The following WDFY4 variants were observed in gnomAD, a reference collection of about 807,000 sequenced individuals.
WDFY4 encodes WDFY family member 4, also known as WD repeat- and FYVE domain-containing protein 4.
In WDFY4, 169 loss-of-function variants were observed where a neutral mutation model predicts 351.9. That is an observed-to-expected ratio of 0.48 (90% CI 0.42 to 0.55). The LOEUF is 0.55. Ranked by LOEUF, WDFY4 falls within the 20% of genes least tolerant of loss-of-function variation. The pLI is 0.00. For missense variants in WDFY4, 3,803 were observed against 3,935.6 expected (o/e 0.97, Z 0.90); for synonymous variants, 1,622 against 1,574.6 (o/e 1.03, Z -0.71).
chr10:48,872,576 G>T (rs11101541), intron 40 of WDFY4, among the ~76,000 whole-genome samples: 3,708 of 152,306 alleles, frequency 0.024, 153 homozygotes, highest in African/African-American at 0.084. Flanking sequence ...AACATTAAAT[G>T]TGGGACAAAT....
intron 7 of WDFY4, among the ~76,000 whole-genome samples, chr10:48,728,778 A>C (rs1157751326): frequency 6.6e-6 from 1 of 152,226 alleles, no homozygotes; most frequent in African/African-American, 2.4e-5. Context: ...TCCTGAACAA[A>C]TTTTTGGTTC....
At chr10:48,783,594 T>A (rs992190571) in intron 19 of WDFY4, among the ~76,000 whole-genome samples, 1 of 151,992 alleles carries the variant, frequency 6.6e-6, no homozygotes, top group Non-Finnish European at 1.5e-5. Context: ...CATTTTGAAA[T>A]AGCTCAAAAA....
chr10:48,949,170 C>G (rs772784111), intron 51 of WDFY4, among the ~76,000 whole-genome samples: 12 of 152,214 alleles, frequency 7.9e-5, no homozygotes, highest in Non-Finnish European at 1.3e-4. Context: ...GGGCTCAGAT[C>G]TGTCTTGGGT....
At chr10:48,845,605 T>A (rs151234124) in intron 39 of WDFY4, among the ~76,000 whole-genome samples, 28 of 152,302 alleles carry the variant, frequency 1.8e-4, no homozygotes, top group African/African-American at 6.5e-4. Context: ...TGGACCCTCG[T>A]GATCATCTGC....
chr10:48,799,447 T>A (rs930261786), intron 24 of WDFY4, among the ~76,000 whole-genome samples: 1 of 151,996 alleles, frequency 6.6e-6, no homozygotes, highest in African/African-American at 2.4e-5. Context: ...ACAGACTTAG[T>A]GACAAGTAAG....
intron 33 of WDFY4, among the ~76,000 whole-genome samples, chr10:48,820,852 C>T (rs2067799762): frequency 6.6e-6 from 1 of 152,168 alleles, no homozygotes; most frequent in Non-Finnish European, 1.5e-5. Context: ...GCTCCCCTGA[C>T]TTGCCTCCTT....
chr10:48,840,482 CTT>C (rs2068565080), intron 39 of WDFY4, among the ~76,000 whole-genome samples: 1 of 151,118 alleles, frequency 6.6e-6, no homozygotes, highest in Non-Finnish European at 1.5e-5. Context: ...CCCCCACTCT[CTT>C]TCTCTCTCTC....
At chr10:48,980,886 A>G (rs1842777678) in intron 60 of WDFY4, among the ~76,000 whole-genome samples, 1 of 152,172 alleles carries the variant, frequency 6.6e-6, no homozygotes, top group Non-Finnish European at 1.5e-5. Flanking sequence ...ATTGAGTTAT[A>G]TTTTTTGAAA....
chr10:48,850,705 A>G (rs1192010949), intron 39 of WDFY4, among the ~76,000 whole-genome samples: 1 of 152,118 alleles, frequency 6.6e-6, no homozygotes, highest in African/African-American at 2.4e-5. Flanking sequence ...GACTCTCTAT[A>G]CCTTATTCTC....
rs903408133 is a variant in WDFY4 at position 48,774,573 on chromosome 10, G to A, written c.2669G>A (p.Cys890Tyr). ...TTGCTTGGGACCCTCATGGCCTCCT[G>A]CCACAGGGCCCTGGTCACCAGTGGC... ...AGLLGTLMAS[C>Y]HRALVTSGSP... The change falls in exon 14 of 62, where the codon TGC (cysteine) becomes TAC (tyrosine). Residue 890 changes from cysteine to tyrosine, a missense_variant. Transcript: ENST00000325239. The A allele has an allele frequency of 3.2e-6, 5 of 1,551,532 alleles. No homozygotes were observed. The highest frequency in any genetic ancestry group is 4.4e-6 in the Non-Finnish European group (5 of 1,146,958).
At chr10:48,923,952 C>T (rs1262802158) in intron 47 of WDFY4, among the ~76,000 whole-genome samples, 1 of 152,176 alleles carries the variant, frequency 6.6e-6, no homozygotes, top group Admixed American at 6.5e-5. Context: ...TGCCCACAGC[C>T]CACCCACACT....
rs549708730 is a variant in WDFY4 at position 48,823,472 on chromosome 10, C to T, written c.5982+935C>T. On this transcript the variant is annotated intron_variant, in intron 35 of 61. Coordinates refer to ENST00000325239, the MANE Select transcript of WDFY4 (RefSeq NM_001394531.1). ...CCCAGCACCCTTCTGACTGCAGAGT[C>T]ACCCACAGACCTCAGGACTGGGCCT... 3.4e-6 allele frequency: 4 copies of T among 1,185,970 alleles called. No homozygotes were observed. In the East Asian group the frequency reaches 1.7e-4, roughly 52 times the overall value. The allele number at this position is 1,185,970 out of a possible 1,614,324, so 73.5% of individuals were successfully genotyped here. A position where few individuals can be genotyped will look rare whatever the true frequency, so the allele number is the denominator to read the frequency against.
chr10:48,916,226 GCAGC>G (rs1330165549), intron 47 of WDFY4, among the ~76,000 whole-genome samples: 3 of 152,132 alleles, frequency 2.0e-5, no homozygotes, highest in African/African-American at 7.2e-5. Context: ...GGACTCAAGG[GCAGC>G]CCAGAACACA....
At chr10:48,756,403 T>A (rs1565164119) in intron 12 of WDFY4, among the ~76,000 whole-genome samples, 2 of 23,874 alleles carry the variant, frequency 8.4e-5, no homozygotes, top group Non-Finnish European at 4.1e-4. Context: ...TTCTAGAAGT[T>A]TTTTTTTTTA....
rs748528296 is a variant in WDFY4 at position 48,943,473 on chromosome 10, C to T, written c.7749+24C>T. On this transcript the variant is annotated intron_variant, in intron 49 of 61. Transcript: ENST00000325239. ...AGGTAAGTTCCTCACGTGGAAACCA[C>T]AGCTGCCCTCAGGTGTTCGGACGTT... is the stretch of plus-strand genomic sequence containing the variant. 4 of 1,548,722 alleles carry T rather than the reference C, an allele frequency of 2.6e-6. No homozygotes were observed. The South Asian group carries it at 3.6e-5, about 14-fold the overall frequency.
chr10:48,823,950 G>A lies in WDFY4; in HGVS notation c.5982+1413G>A, dbSNP rs572434424. On this transcript the variant is annotated intron_variant, in intron 35 of 61. Transcript: ENST00000325239. ...TTCACTTCATGAGTAGAAACATTGCGTTACCTGTGAAATTCTAAGGGAGTA... is the reference window on the plus strand; with the variant it reads ...TTCACTTCATGAGTAGAAACATTGCATTACCTGTGAAATTCTAAGGGAGTA... The A allele has an allele frequency of 5.1e-5, 50 of 985,440 alleles. No homozygotes were observed. In the East Asian group the frequency reaches 6.8e-4, roughly 13 times the overall value. The allele number at this position is 985,440 out of a possible 1,614,324, so 61.0% of individuals were successfully genotyped here.
At chr10:48,791,043 A>T in intron 23 of WDFY4, 126 bp downstream of exon 23, 1 of 1,234,822 alleles carries the variant, frequency 8.1e-7, no homozygotes, top group Non-Finnish European at 1.1e-6. Context: ...GGGCAGCCGA[A>T]AGCCCTTGGG....
At chr10:48,763,917 T>C (rs1015990508) in intron 13 of WDFY4, among the ~76,000 whole-genome samples, 1 of 152,120 alleles carries the variant, frequency 6.6e-6, no homozygotes, top group Non-Finnish European at 1.5e-5. Context: ...GTGAATCAAA[T>C]GAGAAATGAG....
intron 13 of WDFY4, 129 bp from the exon 14 acceptor site, chr10:48,774,329 T>C: frequency 1.1e-6 from 1 of 942,972 alleles, no homozygotes; most frequent in Non-Finnish European, 1.7e-6. Context: ...GTGGGTGTAG[T>C]GGGGATGGGG....
Sources: gnomAD v4.1 joint callset for allele counts (sites outside exome capture counted in the v4.1 genomes callset) on GRCh38, gnomAD v4.1.1 for gene constraint, MANE v1.5 for transcripts, NCBI Gene and HGNC (gene_info 2026-07-23, HGNC 2026-07-21) for gene names.